The following SNTG1 variants were observed in gnomAD, a reference collection of about 807,000 sequenced individuals.
SNTG1 encodes the protein gamma-1-syntrophin.
A neutral mutation model predicts 74.7 loss-of-function variants in SNTG1; 39 were observed. The ratio of observed to expected loss-of-function variants is 0.52; its 90% CI spans 0.40 to 0.68. The LOEUF is 0.68. Ranked by LOEUF, SNTG1 falls within the 30% of genes least tolerant of loss-of-function variation. SNTG1 has a pLI of 0.00. For synonymous variants in SNTG1, 254 were observed against 217.1 expected, an observed-to-expected ratio of 1.17 and a Z score of -1.49; for missense variants, 685 against 609.5, an observed-to-expected ratio of 1.12 and a Z score of -1.30.
At chr8:50,107,363 G>A (rs1406363142) in intron 1 of SNTG1, among the ~76,000 whole-genome samples, 1 of 152,040 alleles carries the variant, frequency 6.6e-6, no homozygotes, top group African/African-American at 2.4e-5. Context: ...AAAGAAAATA[G>A]ATTGAAAGAT....
intron 1 of SNTG1, among the ~76,000 whole-genome samples, chr8:49,914,322 G>A (rs1805836582): frequency 6.6e-6 from 1 of 151,152 alleles, no homozygotes; most frequent in Non-Finnish European, 1.5e-5. Flanking sequence ...AAGGATGCAT[G>A]AGGTCTTGGG....
At chr8:50,434,829 T>A (rs2093283572) in intron 4 of SNTG1, among the ~76,000 whole-genome samples, 1 of 152,192 alleles carries the variant, frequency 6.6e-6, no homozygotes, top group African/African-American at 2.4e-5. Context: ...TTTCTTTCCA[T>A]TATTGTTCTA....
intron 4 of SNTG1, among the ~76,000 whole-genome samples, chr8:50,433,128 G>T (rs997747332): frequency 2.0e-5 from 3 of 152,046 alleles, no homozygotes; most frequent in African/African-American, 7.2e-5. Flanking sequence ...ATTTTAAATG[G>T]CATTATGCTT....
chr8:50,238,469 T>C (rs1051676070), intron 2 of SNTG1, among the ~76,000 whole-genome samples: 9 of 152,128 alleles, frequency 5.9e-5, no homozygotes, highest in African/African-American at 2.2e-4. Context: ...ACCCCTTCCT[T>C]ACACCATATA....
At chr8:50,356,932 T>C (rs2091832667) in intron 2 of SNTG1, among the ~76,000 whole-genome samples, 1 of 152,240 alleles carries the variant, frequency 6.6e-6, no homozygotes, top group South Asian at 2.1e-4. Context: ...AGCGTGACTT[T>C]TGGGCCTCAA....
intron 1 of SNTG1, among the ~76,000 whole-genome samples, chr8:50,068,611 C>T (rs762901067): frequency 2.0e-5 from 3 of 152,218 alleles, no homozygotes; most frequent in Admixed American, 6.5e-5. Flanking sequence ...TCACATATTC[C>T]ACGCTACTGA....
intron 1 of SNTG1, among the ~76,000 whole-genome samples, chr8:49,973,724 T>A (rs1246238840): frequency 6.6e-6 from 1 of 152,158 alleles, no homozygotes; most frequent in Non-Finnish European, 1.5e-5. Context: ...TCAGTTGAAC[T>A]TAAAACTGTA....
At chr8:50,161,836 G>T (rs1467951511) in intron 1 of SNTG1, among the ~76,000 whole-genome samples, 1 of 152,112 alleles carries the variant, frequency 6.6e-6, no homozygotes, top group Non-Finnish European at 1.5e-5. Context: ...CAAAAGGAAA[G>T]ACCACAAATT....
intron 1 of SNTG1, among the ~76,000 whole-genome samples, chr8:49,982,195 A>G (rs938755894): frequency 3.9e-5 from 6 of 152,186 alleles, no homozygotes. Context: ...CTCAGTGAGT[A>G]TGTCAGATCC....
At chr8:50,559,606 C>T (rs1262105216) in intron 12 of SNTG1, among the ~76,000 whole-genome samples, 3 of 151,866 alleles carry the variant, frequency 2.0e-5, no homozygotes, top group African/African-American at 7.3e-5. Flanking sequence ...TACCTTGCAC[C>T]TGAAAAAATA....
At chr8:50,032,698 T>A (rs1273943449) in intron 1 of SNTG1, among the ~76,000 whole-genome samples, 1 of 152,194 alleles carries the variant, frequency 6.6e-6, no homozygotes, top group Non-Finnish European at 1.5e-5. Flanking sequence ...TCGACACTTT[T>A]CAGTTGTACT....
chr8:50,476,412 C>T (rs2093697207), intron 8 of SNTG1, among the ~76,000 whole-genome samples: 1 of 152,060 alleles, frequency 6.6e-6, no homozygotes, highest in Admixed American at 6.6e-5. Context: ...AGTTGTTTTT[C>T]ATGGATTATG....
chr8:50,293,986 T>C (rs1009482032), intron 2 of SNTG1, among the ~76,000 whole-genome samples: 1 of 152,184 alleles, frequency 6.6e-6, no homozygotes, highest in Non-Finnish European at 1.5e-5. Context: ...GAACGTCTTA[T>C]CAAGAAAAAA....
chr8:50,353,456 G>A (rs745647041), intron 2 of SNTG1, among the ~76,000 whole-genome samples: 10 of 152,072 alleles, frequency 6.6e-5, no homozygotes, highest in Non-Finnish European at 1.2e-4. Flanking sequence ...AATTAGCATT[G>A]CAAATGTGCA....
At chr8:50,703,219 T>C (rs897154631) in intron 15 of SNTG1, among the ~76,000 whole-genome samples, 5 of 152,236 alleles carry the variant, frequency 3.3e-5, no homozygotes, top group Non-Finnish European at 7.3e-5. Flanking sequence ...GTGCTTAGCT[T>C]AAAACACAAA....
rs2095601861 is a variant in SNTG1 at position 50,762,515 on chromosome 8, ATCAAG to A, written c.1395+10407_1395+10411del. 4 of 376,148 alleles carry A rather than the reference ATCAAG, an allele frequency of 1.1e-5. 1 individual carries two copies. In the Admixed American group the frequency reaches 1.2e-4, roughly 11 times the overall value. The allele number at this position is 376,148 out of a possible 1,614,324, so 23.3% of individuals were successfully genotyped here. ...ATTAGTAGCTTTTTTGAGATAAGCT[ATCAAG>A]TCTGCCCTTTCTACCTTCTTAATGC... On this transcript the variant is annotated intron_variant, in intron 18 of 18. Transcript: ENST00000642720.
At position 50,754,032 on chromosome 8, in the gene SNTG1, T is replaced by C. The variant is rs998721761; in HGVS notation, c.1395+1921T>C. On this transcript the variant is annotated intron_variant, in intron 18 of 18. Transcript: ENST00000642720. ...GTGTGTATCACCTGAACATTACCTCTGCTGACATAAAAATTGTGTAAGAAC... is the reference window on the plus strand; with the variant it reads ...GTGTGTATCACCTGAACATTACCTCCGCTGACATAAAAATTGTGTAAGAAC... Among the ~76,000 whole-genome samples, 6 of 152,082 alleles carry C rather than the reference T, an allele frequency of 3.9e-5. No homozygotes were observed. The South Asian group carries it at 6.2e-4, about 16-fold the overall frequency.
intron 1 of SNTG1, among the ~76,000 whole-genome samples, chr8:50,015,889 T>C (rs1816262233): frequency 1.3e-5 from 2 of 152,150 alleles, no homozygotes; most frequent in South Asian, 2.1e-4. Context: ...CAGGTGAATA[T>C]GGCAGATGAA....
At chr8:50,672,363 T>A (rs1484025226) in intron 15 of SNTG1, among the ~76,000 whole-genome samples, 1 of 152,154 alleles carries the variant, frequency 6.6e-6, no homozygotes, top group East Asian at 1.9e-4. Flanking sequence ...CTTAACTTTT[T>A]AATAATCACC....
Sources: allele counts gnomAD v4.1 joint callset (sites outside exome capture counted in the v4.1 genomes callset), GRCh38; gene constraint gnomAD v4.1.1; transcripts MANE v1.5; gene names NCBI Gene and HGNC (gene_info 2026-07-23, HGNC 2026-07-21).